The following LPCAT2 variants were observed in gnomAD, a reference collection of about 807,000 sequenced individuals.
LPCAT2 encodes 1-AGP acyltransferase 11.
In LPCAT2, 58 loss-of-function variants were observed where a neutral mutation model predicts 64.7. That is an observed-to-expected ratio of 0.90 (90% confidence interval 0.73 to 1.12). The LOEUF (loss-of-function observed/expected upper bound fraction) is 1.12, where lower values mean the gene tolerates loss of function less well. LPCAT2 is among the 50% of genes most tolerant of loss of function. LPCAT2 has a pLI of 0.00. For missense variants in LPCAT2, 579 were observed against 669.8 expected (o/e 0.86, Z 1.50); for synonymous variants, 252 against 245.3 (o/e 1.03, Z -0.26).
intron 11 of LPCAT2, among the ~76,000 whole-genome samples, chr16:55,559,542 T>C (rs1297250662): frequency 6.6e-6 from 1 of 152,178 alleles, no homozygotes; most frequent in Non-Finnish European, 1.5e-5. Context: ...TAGGGTGCTG[T>C]AGTGTGCAGG....
chr16:55,550,295 ATT>A (rs1963501254), intron 10 of LPCAT2, among the ~76,000 whole-genome samples: 1 of 152,126 alleles, frequency 6.6e-6, no homozygotes, highest in South Asian at 2.1e-4. Flanking sequence ...GCTACAGTAC[ATT>A]TTCCAGTGTT....
intron 11 of LPCAT2, among the ~76,000 whole-genome samples, chr16:55,555,483 C>T (rs1391754387): frequency 6.6e-6 from 1 of 152,138 alleles, no homozygotes; most frequent in Non-Finnish European, 1.5e-5. Flanking sequence ...TGGTGTGTAG[C>T]AACAGTTCCA....
Position 55,529,858 on chromosome 16 carries a change from G to C in LPCAT2, c.553G>C (p.Val185Leu). ...AGGACTGTTACGGGCTGTGCAACCA[G>C]TTTTGGTGTCCCGTGTAGATCCGGA... Reference protein sequence around the residue: ...IGRLLRAVQPVLVSRVDPDSR... With the variant: ...IGRLLRAVQPLLVSRVDPDSR... Residue 185 changes from valine (V) to leucine (L), a missense_variant, in exon 4 of 14, where the codon GTT becomes CTT. Physicochemically the swap from Val to Leu is conservative, Grantham distance 32 (BLOSUM62 1). Coordinates refer to ENST00000262134, the MANE Select transcript of LPCAT2 (RefSeq NM_017839.5). The C allele has an allele frequency of 3.1e-6, 5 of 1,611,534 alleles. 1 individual carries two copies. In the Middle Eastern group the frequency reaches 6.6e-4, roughly 213 times the overall value.
At chr16:55,550,745 C>A (rs8054374) in intron 10 of LPCAT2, among the ~76,000 whole-genome samples, 12,958 of 152,184 alleles carry the variant, frequency 0.085, 792 homozygotes, top group African/African-American at 0.17. Flanking sequence ...GAAACCCCAT[C>A]TCTCCTAAAA....
intron 1 of LPCAT2, among the ~76,000 whole-genome samples, chr16:55,518,578 A>G (rs1963046445): frequency 1.3e-5 from 2 of 152,236 alleles, no homozygotes; most frequent in Non-Finnish European, 2.9e-5. Context: ...GTAACAAGAC[A>G]GACATATAGA....
At chr16:55,582,353 G>C (rs1286048499) in intron 13 of LPCAT2, among the ~76,000 whole-genome samples, 1 of 152,134 alleles carries the variant, frequency 6.6e-6, no homozygotes, top group Admixed American at 6.5e-5. Flanking sequence ...CCTAAAGTAT[G>C]TACCTTTAAA....
intron 9 of LPCAT2, among the ~76,000 whole-genome samples, chr16:55,546,090 G>A (rs1351134855): frequency 6.6e-6 from 1 of 151,982 alleles, no homozygotes; most frequent in African/African-American, 2.4e-5. Flanking sequence ...CTTGCACAGG[G>A]TGGATTCTCC....
intron 1 of LPCAT2, 79 bp from the exon 2 acceptor site, chr16:55,525,429 T>C (rs1253776892): frequency 1.4e-5 from 18 of 1,326,300 alleles, no homozygotes; most frequent in Middle Eastern, 1.9e-4. Context: ...CATAAAACTT[T>C]CCTATTACAT....
chr16:55,530,398 A>C (rs571956436), intron 4 of LPCAT2, among the ~76,000 whole-genome samples: 40 of 151,736 alleles, frequency 2.6e-4, no homozygotes, highest in African/African-American at 9.4e-4. Context: ...ATATTTAGAT[A>C]GTGCTTTTCA....
intron 1 of LPCAT2, among the ~76,000 whole-genome samples, 200 bp from the exon 2 acceptor site, chr16:55,525,308 T>C (rs948120255): frequency 6.6e-5 from 10 of 152,162 alleles, no homozygotes; most frequent in Non-Finnish European, 1.5e-4. Flanking sequence ...TTTCTCTTGC[T>C]ACACAGTAGG....
chr16:55,548,930 T>C (rs1368265607), intron 9 of LPCAT2, among the ~76,000 whole-genome samples: 1 of 152,236 alleles, frequency 6.6e-6, no homozygotes, highest in Non-Finnish European at 1.5e-5. Context: ...TGAGGCTTCA[T>C]CCACAGCTGG....
intron 2 of LPCAT2, among the ~76,000 whole-genome samples, chr16:55,527,975 A>C (rs889903598): frequency 2.0e-5 from 3 of 152,194 alleles, no homozygotes; most frequent in Non-Finnish European, 2.9e-5. Flanking sequence ...GACAATACTG[A>C]TTTGGATATC....
intron 11 of LPCAT2, among the ~76,000 whole-genome samples, chr16:55,556,639 C>T (rs1315924292): frequency 6.6e-6 from 1 of 151,920 alleles, no homozygotes; most frequent in Admixed American, 6.6e-5. Context: ...ATTAGGTGGG[C>T]GTGGTGGCTG....
At chr16:55,576,812 G>A (rs1280994224) in intron 12 of LPCAT2, among the ~76,000 whole-genome samples, 8 of 152,126 alleles carry the variant, frequency 5.3e-5, no homozygotes, top group Admixed American at 1.3e-4. Context: ...TTTGTAGTGG[G>A]GAGTGACGAG....
chr16:55,524,524 T>C (rs1361192042), intron 1 of LPCAT2, among the ~76,000 whole-genome samples: 1 of 152,012 alleles, frequency 6.6e-6, no homozygotes. Flanking sequence ...TTGTATACTT[T>C]AGATCTGTAC....
intron 3 of LPCAT2, among the ~76,000 whole-genome samples, chr16:55,529,027 C>T (rs1210048295): frequency 1.3e-5 from 2 of 152,152 alleles, no homozygotes; most frequent in African/African-American, 2.4e-5. Flanking sequence ...TTCATTATTG[C>T]CCCCCAAATC....
chr16:55,510,085 A>G (rs1450942337), intron 1 of LPCAT2, among the ~76,000 whole-genome samples: 1 of 145,900 alleles, frequency 6.9e-6, no homozygotes, highest in Non-Finnish European at 1.5e-5. Flanking sequence ...CTGTGGTTAG[A>G]ACAACAGGTA....
At chr16:55,569,433 A>G (rs1387995799) in intron 11 of LPCAT2, among the ~76,000 whole-genome samples, 2 of 152,252 alleles carry the variant, frequency 1.3e-5, no homozygotes, top group African/African-American at 4.8e-5. Flanking sequence ...GCATGGATGT[A>G]GTAAAGTAGC....
chr16:55,567,472 A>G (rs1596884024), intron 11 of LPCAT2: 1 of 1,613,740 alleles, frequency 6.2e-7, no homozygotes, highest in East Asian at 2.2e-5. Flanking sequence ...GTGTCTATCA[A>G]AGAATGGCTG....
Sources: gnomAD v4.1 joint callset for allele counts (sites outside exome capture counted in the v4.1 genomes callset) on GRCh38, gnomAD v4.1.1 for gene constraint, MANE v1.5 for transcripts, NCBI Gene and HGNC (gene_info 2026-07-23, HGNC 2026-07-21) for gene names.